Variants in LDAH observed in about 807,000 individuals in gnomAD.
LDAH encodes the protein lipid droplet-associated hydrolase.
In LDAH, 26 loss-of-function variants were observed where a neutral mutation model predicts 29.6. The observed-to-expected ratio is 0.88, with a 90% CI of 0.64 to 1.22. The LOEUF (loss-of-function observed/expected upper bound fraction) is 1.22, where lower values mean the gene tolerates loss of function less well. Among genes scored for constraint, LDAH ranks in the 50% most tolerant of loss-of-function variants. The pLI is 0.00. For missense variants in LDAH, 344 were observed against 387.3 expected (o/e 0.89, Z 0.94); for synonymous variants, 117 against 133.0 (o/e 0.88, Z 0.83).
chr2:20,701,688 T>C, intron 5 of LDAH, 36 bp from the exon 6 acceptor site: 1 of 1,537,660 alleles, frequency 6.5e-7, no homozygotes, highest in Non-Finnish European at 9.0e-7. Context: ...ACATTTAGAA[T>C]ATATAGAACA....
At chr2:20,721,554 A>C (rs957866726) in intron 5 of LDAH, among the ~76,000 whole-genome samples, 1 of 152,134 alleles carries the variant, frequency 6.6e-6, no homozygotes, top group African/African-American at 2.4e-5. Context: ...ATTAAAAACA[A>C]ACCAACAAAC....
chr2:20,765,582 G>C (rs902024379), intron 4 of LDAH, among the ~76,000 whole-genome samples: 2 of 152,160 alleles, frequency 1.3e-5, no homozygotes, highest in East Asian at 3.8e-4. Context: ...AATTCAAATA[G>C]GGCTCAGTTG....
chr2:20,754,202 C>T (rs142761752), intron 4 of LDAH, among the ~76,000 whole-genome samples: 100 of 151,996 alleles, frequency 6.6e-4, no homozygotes, highest in Non-Finnish European at 1.1e-3. Context: ...AAGTAAAGTA[C>T]GCAGGCTGGG....
chr2:20,730,609 T>A (rs1666332181), intron 5 of LDAH, among the ~76,000 whole-genome samples: 1 of 152,228 alleles, frequency 6.6e-6, no homozygotes, highest in Admixed American at 6.5e-5. Flanking sequence ...AAAAGGATTG[T>A]AGTTTTAAGA....
intron 4 of LDAH, among the ~76,000 whole-genome samples, chr2:20,754,383 CG>C (rs1172713883): frequency 2.0e-5 from 3 of 149,918 alleles, no homozygotes; most frequent in African/African-American, 7.4e-5. Flanking sequence ...CCCAGCTACT[CG>C]GGAGGCTGAG....
Position 20,778,191 on chromosome 2 carries a change from T to C in LDAH, c.299-3212A>G, listed in dbSNP as rs374633088. On this transcript the variant is annotated intron_variant, in intron 3 of 6. Coordinates refer to ENST00000237822, the MANE Select transcript of LDAH (RefSeq NM_021925.4). ...TAAGAAAAATTCTTCTGCCTTGAGA[T>C]GCTGTTAATCTGTAACCCCAGCCCC... 5.0e-4 allele frequency among the ~76,000 whole-genome samples: 76 copies of C among 152,306 alleles called. No individual in the cohort carries two copies. In the East Asian group the frequency reaches 0.013, roughly 26 times the overall value.
At chr2:20,814,272 G>T (rs1672702859) in intron 1 of LDAH, among the ~76,000 whole-genome samples, 1 of 151,318 alleles carries the variant, frequency 6.6e-6, no homozygotes. Flanking sequence ...ATATTGTAGG[G>T]ATAGGAATCA....
chr2:20,754,772 T>C (rs1239519826), intron 4 of LDAH, among the ~76,000 whole-genome samples: 5 of 152,168 alleles, frequency 3.3e-5, no homozygotes, highest in African/African-American at 4.8e-5. Context: ...AAAGGAATTA[T>C]ATTCTTCAAA....
chr2:20,802,381 T>C (rs1671771149), intron 1 of LDAH, among the ~76,000 whole-genome samples: 1 of 152,156 alleles, frequency 6.6e-6, no homozygotes, highest in Non-Finnish European at 1.5e-5. Flanking sequence ...ATTTTATGTA[T>C]TAAAGCACTA....
intron 1 of LDAH, among the ~76,000 whole-genome samples, chr2:20,805,431 G>C (rs1212435367): frequency 6.6e-6 from 1 of 152,132 alleles, no homozygotes; most frequent in African/African-American, 2.4e-5. Flanking sequence ...GAAAATCTGA[G>C]GCACGAGAAT....
At chr2:20,704,373 T>A (rs1365371665) in intron 5 of LDAH, among the ~76,000 whole-genome samples, 4 of 152,256 alleles carry the variant, frequency 2.6e-5, no homozygotes, top group Non-Finnish European at 5.9e-5. Context: ...CAGAACTGTC[T>A]TTGTTTTACT....
chr2:20,691,198 G>A (rs971097938), intron 6 of LDAH, among the ~76,000 whole-genome samples: 1 of 152,104 alleles, frequency 6.6e-6, no homozygotes, highest in Non-Finnish European at 1.5e-5. Flanking sequence ...TTTATTCTGA[G>A]ACAGTCTTAC....
At chr2:20,783,539 G>C (rs1670347434) in intron 3 of LDAH, among the ~76,000 whole-genome samples, 2 of 152,066 alleles carry the variant, frequency 1.3e-5, no homozygotes, top group Admixed American at 1.3e-4. Context: ...ATTATGTAAT[G>C]CTCCTCTTTA....
chr2:20,798,568 A>AATATG (rs974734917), intron 2 of LDAH, among the ~76,000 whole-genome samples: 1 of 148,132 alleles, frequency 6.8e-6, no homozygotes, highest in African/African-American at 2.5e-5. Context: ...TAATATAATT[A>AATATG]ATATAATATA....
At chr2:20,805,236 A>G (rs1671981823) in intron 1 of LDAH, among the ~76,000 whole-genome samples, 7 of 152,216 alleles carry the variant, frequency 4.6e-5, no homozygotes, top group Admixed American at 4.6e-4. Context: ...TAAACATTGG[A>G]AAACAAAAAA....
chr2:20,737,780 A>C (rs1400901164), intron 5 of LDAH, among the ~76,000 whole-genome samples: 4 of 152,276 alleles, frequency 2.6e-5, no homozygotes, highest in African/African-American at 9.6e-5. Context: ...GGCTAGGAAA[A>C]TGAGGCTGAA....
intron 6 of LDAH, among the ~76,000 whole-genome samples, chr2:20,694,261 A>G (rs1048355092): frequency 6.6e-6 from 1 of 152,142 alleles, no homozygotes; most frequent in African/African-American, 2.4e-5. Flanking sequence ...TTCTGGGGAG[A>G]GTCCAGACAG....
chr2:20,765,809 G>A (rs1382629103), intron 4 of LDAH, among the ~76,000 whole-genome samples: 1 of 152,176 alleles, frequency 6.6e-6, no homozygotes. Context: ...CTGAGAGGGA[G>A]GAAATAGAAG....
chr2:20,754,338 A>T (rs769127644), intron 4 of LDAH, among the ~76,000 whole-genome samples: 23 of 151,788 alleles, frequency 1.5e-4, no homozygotes, highest in Non-Finnish European at 2.4e-4. Flanking sequence ...AAAATAAAAA[A>T]AAATTAGCCA....
Sources: allele counts gnomAD v4.1 joint callset (sites outside exome capture counted in the v4.1 genomes callset), GRCh38; gene constraint gnomAD v4.1.1; transcripts MANE v1.5; gene names NCBI Gene and HGNC (gene_info 2026-07-23, HGNC 2026-07-21).